LPP: variants seen among roughly 807,000 people sequenced by gnomAD.
LPP encodes the protein lipoma-preferred partner.
A neutral mutation model predicts 60.4 loss-of-function variants in LPP; 38 were observed. The ratio of observed to expected loss-of-function variants is 0.63; its 90% CI spans 0.49 to 0.83. LPP has a LOEUF of 0.83. LPP is among the 40% of genes least tolerant of loss of function. The probability of loss-of-function intolerance (pLI) is 0.00; values close to 1 mark genes in which losing one functional copy is unlikely to be tolerated. For missense variants in LPP, 902 were observed against 783.6 expected (o/e 1.15, Z -1.80); for synonymous variants, 328 against 290.8 (o/e 1.13, Z -1.30).
chr3:188,804,243 T>TTATATA (rs60989319), intron 9 of LPP, among the ~76,000 whole-genome samples: 1,957 of 37,468 alleles, frequency 0.052, 121 homozygotes, highest in African/African-American at 0.061. Flanking sequence ...TAGTGCATCT[T>TTATATA]TATATATATA....
intron 2 of LPP, among the ~76,000 whole-genome samples, chr3:188,297,176 C>G (rs1266776257): frequency 6.6e-6 from 1 of 152,106 alleles, no homozygotes; most frequent in Non-Finnish European, 1.5e-5. Flanking sequence ...TATGCAACAC[C>G]AATTGAAGGA....
intron 7 of LPP, among the ~76,000 whole-genome samples, chr3:188,655,447 A>G (rs1490694808): frequency 6.6e-6 from 1 of 152,228 alleles, no homozygotes; most frequent in Non-Finnish European, 1.5e-5. Flanking sequence ...GAAAATTGGC[A>G]GACAGAATTA....
intron 7 of LPP, among the ~76,000 whole-genome samples, chr3:188,698,400 A>G (rs1246275888): frequency 6.6e-6 from 1 of 152,134 alleles, no homozygotes; most frequent in Non-Finnish European, 1.5e-5. Context: ...AGCCTAATTA[A>G]TGGGAAAAAC....
intron 6 of LPP, among the ~76,000 whole-genome samples, chr3:188,556,541 GA>G (rs1463645003): frequency 3.3e-5 from 5 of 151,984 alleles, no homozygotes; most frequent in Non-Finnish European, 7.4e-5. Flanking sequence ...TTCTTACCCT[GA>G]AAATCATACA....
chr3:188,240,720 T>C (rs1724222509), intron 2 of LPP, among the ~76,000 whole-genome samples: 1 of 152,290 alleles, frequency 6.6e-6, no homozygotes, highest in Non-Finnish European at 1.5e-5. Flanking sequence ...TCTTTGGGAT[T>C]CTTCCCTCAG....
In LPP at chr3:188,619,691, A is replaced by C. The variant is rs144334746; in HGVS notation, c.1113+9847A>C. Among the ~76,000 whole-genome samples, 10 of 152,364 alleles carry C rather than the reference A, an allele frequency of 6.6e-5. No individual in the cohort carries two copies. The East Asian group carries it at 1.9e-3, about 29-fold the overall frequency. ...TTTTCTGTATATCATTTTACAGAAA[A>C]ACATTGTTGACTGCTGGTCAAAAAT... On this transcript the variant is annotated intron_variant, in intron 7 of 11. Transcript: ENST00000617246.
At chr3:188,265,949 A>G (rs1040826892) in intron 2 of LPP, among the ~76,000 whole-genome samples, 6 of 150,360 alleles carry the variant, frequency 4.0e-5, no homozygotes, top group Non-Finnish European at 5.9e-5. Flanking sequence ...CTTTTTAGGA[A>G]CTCTTAGGCA....
At chr3:188,766,014 GCGCCCACCACCA>G (rs997199744) in intron 9 of LPP, among the ~76,000 whole-genome samples, 2 of 151,584 alleles carry the variant, frequency 1.3e-5, no homozygotes, top group African/African-American at 4.9e-5. Context: ...GGGATTACAG[GCGCCCACCACCA>G]CGCCCGGCTA....
intron 2 of LPP, among the ~76,000 whole-genome samples, chr3:188,320,576 CCTTT>C (rs1293888353): frequency 6.6e-6 from 1 of 152,194 alleles, no homozygotes; most frequent in Non-Finnish European, 1.5e-5. Context: ...TAATCCTTTT[CCTTT>C]CTAAGTATGG....
intron 9 of LPP, among the ~76,000 whole-genome samples, chr3:188,781,402 G>C (rs149539155): frequency 1.3e-5 from 2 of 152,012 alleles, no homozygotes; most frequent in Non-Finnish European, 2.9e-5. Flanking sequence ...GTATTAATCC[G>C]TTTTCACACT....
chr3:188,326,648 A>G (rs1204335098), intron 2 of LPP, among the ~76,000 whole-genome samples: 2 of 152,242 alleles, frequency 1.3e-5, no homozygotes, highest in Non-Finnish European at 2.9e-5. Context: ...AATAAAAGTG[A>G]CATGATGCTT....
At chr3:188,484,442 C>A in intron 4 of LPP, 150 bp from the exon 5 acceptor site, 1 of 588,432 alleles carries the variant, frequency 1.7e-6, no homozygotes, top group Non-Finnish European at 3.0e-6. Flanking sequence ...ATTAAGGCTA[C>A]TAATTAAACT....
At chr3:188,565,074 C>T (rs1209945240) in intron 6 of LPP, among the ~76,000 whole-genome samples, 1 of 151,870 alleles carries the variant, frequency 6.6e-6, no homozygotes, top group East Asian at 1.9e-4. Flanking sequence ...TGGTTCTTCT[C>T]CAGTACACAT....
intron 8 of LPP, among the ~76,000 whole-genome samples, chr3:188,738,609 G>A (rs971888460): frequency 3.3e-5 from 5 of 152,180 alleles, no homozygotes; most frequent in East Asian, 3.9e-4. Flanking sequence ...AAACATAGTC[G>A]TTTGATAAAG....
chr3:188,874,438 C>G lies in LPP; in HGVS notation c.1798C>G (p.Arg600Gly), dbSNP rs199721345. The G allele has an allele frequency of 6.2e-7, 1 of 1,614,150 alleles. No individual in the cohort carries two copies. The highest frequency in any genetic ancestry group is 8.5e-7 in the Non-Finnish European group (1 of 1,180,016). The change falls in exon 12 of 12, where the codon CGC (arginine) becomes GGC (glycine). Residue 600 changes from arginine (R) to glycine (G), a missense_variant. Transcript: ENST00000617246. ...CCTCTGCAAGACCTGCAACTCTGCC[C>G]GCATCAGGGTGTTGACCGCCAAGGC... Reference protein sequence around the residue: ...HILCKTCNSARIRVLTAKAST... With the variant: ...HILCKTCNSAGIRVLTAKAST...
At chr3:188,420,813 T>C (rs1274133522) in intron 4 of LPP, among the ~76,000 whole-genome samples, 1 of 152,132 alleles carries the variant, frequency 6.6e-6, no homozygotes, top group African/African-American at 2.4e-5. Context: ...AAAAACTGAG[T>C]ATGTGGTGGT....
intron 6 of LPP, among the ~76,000 whole-genome samples, chr3:188,578,140 A>T (rs1449547442): frequency 1.3e-5 from 2 of 152,014 alleles, no homozygotes; most frequent in African/African-American, 4.8e-5. Flanking sequence ...CTTGCCTACT[A>T]CCCTGAAGAG....
intron 2 of LPP, among the ~76,000 whole-genome samples, chr3:188,333,498 T>A (rs979826956): frequency 6.6e-6 from 1 of 152,220 alleles, no homozygotes; most frequent in African/African-American, 2.4e-5. Context: ...GAAAGGACAA[T>A]GCATACAGAT....
At chr3:188,685,802 A>G (rs905686753) in intron 7 of LPP, among the ~76,000 whole-genome samples, 5 of 152,206 alleles carry the variant, frequency 3.3e-5, no homozygotes, top group African/African-American at 1.2e-4. Context: ...TGAGTTGTAT[A>G]CATTCTTCCC....
Sources: allele counts gnomAD v4.1 joint callset (sites outside exome capture counted in the v4.1 genomes callset), GRCh38; gene constraint gnomAD v4.1.1; transcripts MANE v1.5; gene names NCBI Gene and HGNC (gene_info 2026-07-23, HGNC 2026-07-21).